STYXL1: variants seen among roughly 807,000 people sequenced by gnomAD.
STYXL1 encodes the protein serine/threonine/tyrosine-interacting-like protein 1.
STYXL1 carries 32 observed loss-of-function variants against 36.4 expected under a neutral mutation model. The ratio of observed to expected loss-of-function variants is 0.88; its 90% confidence interval spans 0.66 to 1.18. The LOEUF (loss-of-function observed/expected upper bound fraction) is 1.18. Among genes scored for constraint, STYXL1 ranks in the 50% most tolerant of loss-of-function variants. The probability of loss-of-function intolerance (pLI) is 0.00; values close to 1 mark genes in which losing one functional copy is unlikely to be tolerated. For synonymous variants in STYXL1, 133 were observed against 144.1 expected, an observed-to-expected ratio of 0.92 and a Z score of 0.55; for missense variants, 354 against 394.1, an observed-to-expected ratio of 0.90 and a Z score of 0.86.
At chr7:76,004,634 G>A (rs1450954863) in intron 6 of STYXL1, among the ~76,000 whole-genome samples, 1 of 151,954 alleles carries the variant, frequency 6.6e-6, no homozygotes, top group Admixed American at 6.6e-5. Context: ...AACCCTGGAG[G>A]CGGAGGTTGC....
intron 1 of STYXL1, among the ~76,000 whole-genome samples, chr7:76,046,339 T>TGTGTGTGTGC (rs1797056612): frequency 6.7e-5 from 3 of 44,934 alleles, no homozygotes; most frequent in African/African-American, 2.2e-4. Flanking sequence ...TGTGTGTGTG[T>TGTGTGTGTGC]GCGCGCGCGC....
At chr7:76,017,866 CAAAAAA>C (rs71082374) in intron 4 of STYXL1, among the ~76,000 whole-genome samples, 2 of 10,364 alleles carry the variant, frequency 1.9e-4, no homozygotes, top group South Asian at 9.7e-3. Flanking sequence ...AACTCCATCT[CAAAAAA>C]AAAAAAAAAG....
rs1168265393 is a variant in STYXL1, at chr7:76,013,667, C to T, written c.453+75G>A. On this transcript the variant is annotated intron_variant, in intron 5 of 8. Coordinates refer to ENST00000359697, the MANE Select transcript of STYXL1 (RefSeq NM_001317785.2). The stretch of plus-strand genomic sequence containing the variant: ...CTGTCCCATCCTCCTGTTTCTCCCA[C>T]TCAGTCACCCACAAGTCAGTTTCTA... The T allele has an allele frequency of 2.5e-6, 4 of 1,598,246 alleles. No individual in the cohort carries two copies. In the South Asian group the frequency reaches 3.3e-5, roughly 13 times the overall value.
chr7:76,030,552 G>T, intron 1 of STYXL1, 25 bp from the exon 2 acceptor site: 1 of 1,404,196 alleles, frequency 7.1e-7, no homozygotes, highest in South Asian at 1.2e-5. Context: ...TAACACACAA[G>T]GGTAACATAA....
chr7:76,021,564 TC>T (rs1794074754), intron 4 of STYXL1, among the ~76,000 whole-genome samples: 1 of 152,014 alleles, frequency 6.6e-6, no homozygotes, highest in Non-Finnish European at 1.5e-5. Flanking sequence ...GATTATTTCA[TC>T]CCCCTTTCCT....
chr7:76,020,879 T>C (rs569029624), intron 4 of STYXL1, among the ~76,000 whole-genome samples: 3 of 152,024 alleles, frequency 2.0e-5, no homozygotes, highest in Non-Finnish European at 4.4e-5. Context: ...AAGCCCTTGG[T>C]TCCTGGTGCA....
chr7:76,046,972 A>G (rs1554583919), intron 1 of STYXL1, among the ~76,000 whole-genome samples: 1 of 150,744 alleles, frequency 6.6e-6, no homozygotes, highest in African/African-American at 2.4e-5. Context: ...TTTTAAAAAT[A>G]TGTATCAGGC....
At chr7:76,047,146 A>G (rs1554583990) in intron 1 of STYXL1, among the ~76,000 whole-genome samples, 2 of 151,928 alleles carry the variant, frequency 1.3e-5, no homozygotes, top group African/African-American at 4.8e-5. Flanking sequence ...CGCTAATCCC[A>G]GCTACTCAGG....
intron 1 of STYXL1, among the ~76,000 whole-genome samples, chr7:76,035,187 G>T (rs1554580474): frequency 6.7e-6 from 1 of 150,336 alleles, no homozygotes; most frequent in African/African-American, 2.4e-5. Flanking sequence ...ATCTCCAGGG[G>T]TACCATCTTG....
intron 4 of STYXL1, 88 bp from the exon 5 acceptor site, chr7:76,013,975 G>C: frequency 7.3e-7 from 1 of 1,373,682 alleles, no homozygotes; most frequent in South Asian, 1.4e-5. Context: ...CTTCTGAAAT[G>C]CAATTATTTT....
intron 1 of STYXL1, among the ~76,000 whole-genome samples, chr7:76,034,263 C>A (rs964475458): frequency 2.2e-5 from 3 of 139,192 alleles, no homozygotes; most frequent in East Asian, 3.9e-4. Context: ...CCACCATGGC[C>A]GGCTAATTTT....
intron 4 of STYXL1, among the ~76,000 whole-genome samples, chr7:76,017,414 T>C (rs1793507251): frequency 6.6e-6 from 1 of 152,138 alleles, no homozygotes; most frequent in Non-Finnish European, 1.5e-5. Flanking sequence ...TGCAGCACCA[T>C]GGATGGAGCT....
chr7:76,013,077 C>A (rs1301251439), intron 5 of STYXL1, among the ~76,000 whole-genome samples: 1 of 152,220 alleles, frequency 6.6e-6, no homozygotes, highest in Non-Finnish European at 1.5e-5. Flanking sequence ...GTGATCCCAG[C>A]ACTTTGGAAA....
At chr7:76,027,940 T>TA (rs1356950594) in intron 3 of STYXL1, among the ~76,000 whole-genome samples, 4 of 151,996 alleles carry the variant, frequency 2.6e-5, no homozygotes, top group African/African-American at 4.8e-5. Context: ...CCCATTTCTA[T>TA]AAAAAATACA....
In STYXL1 at chr7:76,005,133, A is replaced by G. The variant is rs369128796; in HGVS notation, c.599+126T>C. On this transcript the variant is annotated intron_variant, in intron 6 of 8. Transcript: ENST00000359697. ...GTATACATATGTAACAAACCTGCCC[A>G]TTGTGCACATGTACCCTAAAACGTA... 24 of 503,610 alleles carry G rather than the reference A, an allele frequency of 4.8e-5. No homozygotes were observed. In the East Asian group the frequency reaches 7.3e-4, roughly 15 times the overall value. 31.2% of individuals were successfully genotyped at this position (503,610 alleles called of 1,614,324 possible).
chr7:76,028,765 A>C, intron 2 of STYXL1, 62 bp from the exon 3 acceptor site: 1 of 1,432,262 alleles, frequency 7.0e-7, no homozygotes, highest in Non-Finnish European at 9.8e-7. Flanking sequence ...AACTACTCAG[A>C]GGACCTACGT....
intron 5 of STYXL1, among the ~76,000 whole-genome samples, chr7:76,008,642 G>A (rs1792136513): frequency 6.6e-6 from 1 of 152,190 alleles, no homozygotes; most frequent in East Asian, 1.9e-4. Flanking sequence ...CATGTGGGCT[G>A]CCCCTAACCC....
chr7:76,020,887 GCATGGCACA>G (rs1255207671), intron 4 of STYXL1, among the ~76,000 whole-genome samples: 1 of 152,094 alleles, frequency 6.6e-6, no homozygotes, highest in Non-Finnish European at 1.5e-5. Flanking sequence ...GGTTCCTGGT[GCATGGCACA>G]CATGGAACTG....
At chr7:76,042,546 G>A (rs1050282422) in intron 1 of STYXL1, among the ~76,000 whole-genome samples, 20 of 151,466 alleles carry the variant, frequency 1.3e-4, no homozygotes, top group African/African-American at 4.9e-4. Context: ...TAGGTCTACA[G>A]GCACGCACTG....
Sources: gnomAD v4.1 joint callset for allele counts (sites outside exome capture counted in the v4.1 genomes callset) on GRCh38, gnomAD v4.1.1 for gene constraint, MANE v1.5 for transcripts, NCBI Gene and HGNC (gene_info 2026-07-23, HGNC 2026-07-21) for gene names.